The following RPH3A variants were observed in gnomAD, a reference collection of about 807,000 sequenced individuals.
RPH3A encodes rabphilin-3A.
Under a neutral mutation model 102.2 loss-of-function variants are expected in RPH3A, and 48 were observed. The ratio of observed to expected loss-of-function variants is 0.47; its 90% CI spans 0.37 to 0.60. The LOEUF (loss-of-function observed/expected upper bound fraction) is 0.60. Ranked by LOEUF, RPH3A falls within the 20% of genes least tolerant of loss-of-function variation. The probability of loss-of-function intolerance (pLI) is 0.00; values close to 1 mark genes in which losing one functional copy is unlikely to be tolerated. For missense variants in RPH3A, 781 were observed against 910.1 expected (o/e 0.86, Z 1.83); for synonymous variants, 310 against 324.3 (o/e 0.96, Z 0.47).
intron 1 of RPH3A, among the ~76,000 whole-genome samples, chr12:112,700,769 C>T (rs757697882): frequency 2.0e-5 from 3 of 152,318 alleles, no homozygotes; most frequent in South Asian, 2.1e-4. Context: ...TCTCATCCTT[C>T]GCCTACCTCT....
chr12:112,797,432 TG>T (rs986181560), intron 2 of RPH3A, among the ~76,000 whole-genome samples: 3 of 152,038 alleles, frequency 2.0e-5, no homozygotes, highest in Admixed American at 6.5e-5. Context: ...TACATTCTGT[TG>T]GGGGGTAAAA....
chr12:112,774,918 C>T (rs1368633440), intron 1 of RPH3A, among the ~76,000 whole-genome samples: 1 of 151,946 alleles, frequency 6.6e-6, no homozygotes, highest in Non-Finnish European at 1.5e-5. Context: ...ACATGTTTAC[C>T]TATGTAACAA....
At position 112,890,914 on chromosome 12, in the gene RPH3A, A is replaced by G; in HGVS notation, c.1686A>G (p.Thr562=). 6.2e-7 allele frequency: 1 copy of G among 1,614,072 alleles called. No individual in the cohort carries two copies. Among genetic ancestry groups the G allele is most frequent in the Non-Finnish European group, 8.5e-7 (1 of 1,179,990 alleles). The change falls in exon 19 of 22, where the codon ACA becomes ACG. Residue 562 remains threonine (T), a synonymous_variant. Transcript: ENST00000389385. ...GKILVSLMYS[T]QQGGLIVGII... Reference sequence around the variant, plus strand: ...TCCTGGTCTCCCTCATGTACAGCACACAGCAGGGAGGCCTCATTGTGGGCA... The same window carrying G: ...TCCTGGTCTCCCTCATGTACAGCACGCAGCAGGGAGGCCTCATTGTGGGCA...
intron 1 of RPH3A, among the ~76,000 whole-genome samples, chr12:112,631,206 A>G (rs1359165834): frequency 6.6e-6 from 1 of 152,150 alleles, no homozygotes; most frequent in Non-Finnish European, 1.5e-5. Flanking sequence ...TTACACCTCT[A>G]CAGGGTCCCT....
chr12:112,782,099 G>A (rs1301210552), intron 1 of RPH3A, among the ~76,000 whole-genome samples: 1 of 152,216 alleles, frequency 6.6e-6, no homozygotes, highest in African/African-American at 2.4e-5. Context: ...GATGGGTCCT[G>A]GGGAGAGTGG....
At chr12:112,751,155 T>C (rs2040783596) in intron 1 of RPH3A, among the ~76,000 whole-genome samples, 2 of 152,246 alleles carry the variant, frequency 1.3e-5, no homozygotes, top group African/African-American at 2.4e-5. Context: ...AGTTTTCTGT[T>C]CCTTGTAACT....
intron 1 of RPH3A, among the ~76,000 whole-genome samples, chr12:112,693,637 G>A (rs1342165042): frequency 6.6e-6 from 1 of 151,984 alleles, no homozygotes; most frequent in Non-Finnish European, 1.5e-5. Flanking sequence ...CTTCTGCTTT[G>A]AATGCTCTCC....
At chr12:112,691,087 T>C (rs1243840548) in intron 1 of RPH3A, among the ~76,000 whole-genome samples, 4 of 151,928 alleles carry the variant, frequency 2.6e-5, no homozygotes, top group African/African-American at 7.3e-5. Flanking sequence ...TGCAGTGGCG[T>C]GATCTCAGCT....
intron 1 of RPH3A, among the ~76,000 whole-genome samples, chr12:112,591,262 A>T (rs911920475): frequency 6.7e-6 from 1 of 149,216 alleles, no homozygotes; most frequent in African/African-American, 2.5e-5. Context: ...ATTAAAAAAA[A>T]TTTTTAGGAG....
rs757435949 is a variant in RPH3A at position 112,890,031 on chromosome 12, G to A, written c.1571G>A (p.Arg524His). 12 of 1,613,408 alleles carry A rather than the reference G, an allele frequency of 7.4e-6. No individual in the cohort carries two copies. The highest frequency in any genetic ancestry group is 3.3e-4 in the Middle Eastern group (2 of 6,084). ...ICLERVIPMK[R>H]AGTTGSARGM... is the part of the protein sequence containing the mutation. ...TTGTTTTCTTCTTTTAAGATGAAAC[G>A]TGCTGGGACCACCGGGTCAGCCCGA... Residue 524 changes from arginine to histidine, a missense_variant, in exon 18 of 22, where the codon CGT becomes CAT. Coordinates refer to ENST00000389385, the MANE Select transcript of RPH3A (RefSeq NM_001143854.2).
At chr12:112,588,370 C>A (rs1417022097) in intron 1 of RPH3A, among the ~76,000 whole-genome samples, 2 of 150,760 alleles carry the variant, frequency 1.3e-5, no homozygotes, top group African/African-American at 2.4e-5. Flanking sequence ...GAAAGAGGAG[C>A]AAAGGCATGT....
intron 1 of RPH3A, among the ~76,000 whole-genome samples, chr12:112,664,387 C>G (rs942626317): frequency 6.6e-6 from 1 of 151,946 alleles, no homozygotes; most frequent in Non-Finnish European, 1.5e-5. Context: ...AGTTTTTGGT[C>G]GAAGGTTGGA....
chr12:112,795,103 G>T (rs1306113934), intron 2 of RPH3A, among the ~76,000 whole-genome samples: 1 of 152,166 alleles, frequency 6.6e-6, no homozygotes. Flanking sequence ...TGTGCATTTG[G>T]TTGGGGTGGC....
chr12:112,690,195 A>G (rs2040295844), intron 1 of RPH3A, among the ~76,000 whole-genome samples: 1 of 152,242 alleles, frequency 6.6e-6, no homozygotes, highest in Non-Finnish European at 1.5e-5. Flanking sequence ...ATAAAACATC[A>G]TAATCTTACT....
chr12:112,887,755 T>C (rs200263185), intron 16 of RPH3A, 42 bp from the exon 17 acceptor site: 9 of 1,602,748 alleles, frequency 5.6e-6, no homozygotes, highest in Non-Finnish European at 8.5e-7. Flanking sequence ...TGTCTTAATA[T>C]TTGTTCCTGT....
chr12:112,745,026 A>G (rs1007699255), intron 1 of RPH3A, among the ~76,000 whole-genome samples: 2 of 152,322 alleles, frequency 1.3e-5, no homozygotes, highest in African/African-American at 2.4e-5. Context: ...TCTGTCCAAG[A>G]TCTAATCCAG....
chr12:112,874,804 G>A (rs1293745514), intron 10 of RPH3A: 2 of 408,240 alleles, frequency 4.9e-6, no homozygotes, highest in Non-Finnish European at 8.8e-6. Flanking sequence ...CTGAGGCCCA[G>A]AGAGGACAGG....
rs2043188593 is a variant in RPH3A, at chr12:112,896,921, T to C, written c.*141T>C. On this transcript the variant is annotated 3_prime_UTR_variant, in exon 22 of 22. Coordinates refer to ENST00000389385, the MANE Select transcript of RPH3A (RefSeq NM_001143854.2). ...CCCTGAGCCTGCCTTTGAGCCCCCG[T>C]CACGTTGGGCACTGCTGCCAAAGAC... 3.5e-6 allele frequency: 3 copies of C among 865,072 alleles called. No individual in the cohort carries two copies. The highest frequency in any genetic ancestry group is 5.3e-6 in the Non-Finnish European group (3 of 568,916). 53.6% of individuals were successfully genotyped at this position (865,072 alleles called of 1,614,324 possible).
chr12:112,629,686 G>A (rs1007700801), intron 1 of RPH3A, among the ~76,000 whole-genome samples: 7 of 151,602 alleles, frequency 4.6e-5, no homozygotes, highest in Admixed American at 1.3e-4. Flanking sequence ...TATGCTGCCC[G>A]GGCTGGTCTG....
Sources: allele counts gnomAD v4.1 joint callset (sites outside exome capture counted in the v4.1 genomes callset), GRCh38; gene constraint gnomAD v4.1.1; transcripts MANE v1.5; gene names NCBI Gene and HGNC (gene_info 2026-07-23, HGNC 2026-07-21).